The following MAP7 variants were observed in gnomAD, a reference collection of about 807,000 sequenced individuals.
MAP7 encodes the protein microtubule associated protein 7.
Under a neutral mutation model 94.8 loss-of-function variants are expected in MAP7, and 52 were observed. That is an observed-to-expected ratio of 0.55 (90% CI 0.44 to 0.69). The LOEUF is 0.69. Ranked by LOEUF, MAP7 falls within the 30% of genes least tolerant of loss-of-function variation. The pLI is 0.00. For missense variants in MAP7, 940 were observed against 964.6 expected, an observed-to-expected ratio of 0.97 and a Z score of 0.34; for synonymous variants, 350 against 357.0, an observed-to-expected ratio of 0.98 and a Z score of 0.22.
At chr6:136,395,205 T>C (rs1475889483) in intron 3 of MAP7, among the ~76,000 whole-genome samples, 2 of 151,564 alleles carry the variant, frequency 1.3e-5, no homozygotes, top group African/African-American at 4.8e-5. Context: ...GGTGTTCCCC[T>C]TTCTCTGCGT....
At chr6:136,477,153 C>G (rs1048564305) in intron 1 of MAP7, among the ~76,000 whole-genome samples, 4 of 152,134 alleles carry the variant, frequency 2.6e-5, no homozygotes, top group Non-Finnish European at 5.9e-5. Context: ...ACCTCAAACA[C>G]GTGATGGAGG....
At chr6:136,503,613 A>G (rs1027969153) in intron 1 of MAP7, among the ~76,000 whole-genome samples, 1 of 152,194 alleles carries the variant, frequency 6.6e-6, no homozygotes, top group Non-Finnish European at 1.5e-5. Context: ...CCCTAAGGGG[A>G]AAAAAACCAC....
At chr6:136,439,277 T>G (rs1797199360) in intron 1 of MAP7, among the ~76,000 whole-genome samples, 1 of 152,202 alleles carries the variant, frequency 6.6e-6, no homozygotes, top group African/African-American at 2.4e-5. Context: ...TAAGCCCCTT[T>G]CTTGCCCATA....
chr6:136,439,114 T>G (rs1797147878), intron 1 of MAP7, among the ~76,000 whole-genome samples: 1 of 152,154 alleles, frequency 6.6e-6, no homozygotes. Context: ...GCCAAAATGG[T>G]TTGAATGTAT....
chr6:136,425,138 C>T (rs778146521), intron 1 of MAP7, among the ~76,000 whole-genome samples: 4 of 152,160 alleles, frequency 2.6e-5, no homozygotes, highest in Non-Finnish European at 5.9e-5. Context: ...TGATTCACAT[C>T]TCAGGCTGGA....
chr6:136,400,187 C>A (rs556642971), intron 3 of MAP7, among the ~76,000 whole-genome samples: 1 of 151,838 alleles, frequency 6.6e-6, no homozygotes, highest in African/African-American at 2.4e-5. Flanking sequence ...GAGGCTGAGG[C>A]GGGCAGATCA....
intron 10 of MAP7, among the ~76,000 whole-genome samples, chr6:136,363,364 C>A (rs1184953201): frequency 2.0e-5 from 3 of 152,242 alleles, no homozygotes; most frequent in African/African-American, 7.2e-5. Context: ...CACACTGATG[C>A]TCACAATTCT....
intron 1 of MAP7, among the ~76,000 whole-genome samples, chr6:136,538,256 T>A (rs1465994169): frequency 6.6e-6 from 1 of 152,232 alleles, no homozygotes; most frequent in African/African-American, 2.4e-5. Flanking sequence ...AATAACTTAC[T>A]GATATTTTCT....
intron 8 of MAP7, 54 bp from the exon 9 acceptor site, chr6:136,366,493 C>T (rs2128586284): frequency 8.6e-7 from 1 of 1,164,606 alleles, no homozygotes; most frequent in Non-Finnish European, 1.3e-6. Context: ...GGCAAACACA[C>T]TCACAATACT....
chr6:136,362,391 T>A, intron 11 of MAP7, 59 bp downstream of exon 11: 12 of 1,586,798 alleles, frequency 7.6e-6, no homozygotes, highest in African/African-American at 1.3e-5. Flanking sequence ...CTCAGAGGGG[T>A]GATGAGTTAA....
chr6:136,352,032 G>A (rs1789365724), intron 16 of MAP7, among the ~76,000 whole-genome samples: 1 of 152,030 alleles, frequency 6.6e-6, no homozygotes, highest in South Asian at 2.1e-4. Context: ...TCTCTGGCAA[G>A]TTCTGCTGGC....
intron 5 of MAP7, among the ~76,000 whole-genome samples, 168 bp downstream of exon 5, chr6:136,388,225 C>T (rs1779705132): frequency 6.6e-6 from 1 of 152,010 alleles, no homozygotes; most frequent in South Asian, 2.1e-4. Flanking sequence ...GCCCTTACTT[C>T]TTATCTCCAT....
chr6:136,410,796 C>T (rs1413215196), intron 3 of MAP7, among the ~76,000 whole-genome samples: 4 of 152,212 alleles, frequency 2.6e-5, no homozygotes, highest in Admixed American at 6.5e-5. Flanking sequence ...GAAACATTAA[C>T]TCTTACAAAA....
intron 6 of MAP7, among the ~76,000 whole-genome samples, chr6:136,380,335 A>C (rs73559063): frequency 0.017 from 2,558 of 152,242 alleles, 42 homozygotes; most frequent in East Asian, 0.039. Flanking sequence ...AATTAGACAC[A>C]TGTTGCCAGG....
intron 1 of MAP7, among the ~76,000 whole-genome samples, chr6:136,440,952 T>C (rs1323238734): frequency 1.3e-5 from 2 of 152,168 alleles, no homozygotes; most frequent in Non-Finnish European, 2.9e-5. Flanking sequence ...GCGGCACCTC[T>C]CTGTGCCTGG....
chr6:136,430,550 A>T (rs1206026666), intron 1 of MAP7, among the ~76,000 whole-genome samples: 1 of 152,248 alleles, frequency 6.6e-6, no homozygotes, highest in East Asian at 1.9e-4. Context: ...TCAAAAATTA[A>T]TCATCTCTCC....
intron 1 of MAP7, among the ~76,000 whole-genome samples, chr6:136,491,933 A>G (rs1169068112): frequency 2.0e-5 from 3 of 152,246 alleles, no homozygotes; most frequent in Non-Finnish European, 4.4e-5. Context: ...AATCATCTGT[A>G]TCTCAACATT....
At chr6:136,509,416 A>AC (rs1554269032) in intron 1 of MAP7, among the ~76,000 whole-genome samples, 2 of 151,766 alleles carry the variant, frequency 1.3e-5, no homozygotes, top group Non-Finnish European at 2.9e-5. Context: ...GAAGCTACTT[A>AC]TTTTTTTAAG....
At chr6:136,360,567 T>C (rs903447774) in intron 13 of MAP7, 130 bp downstream of exon 13, 8 of 717,900 alleles carry the variant, frequency 1.1e-5, no homozygotes, top group Middle Eastern at 2.5e-4. Flanking sequence ...TGCAGGAGAT[T>C]GTTATCACTG....
Sources: allele counts gnomAD v4.1 joint callset (sites outside exome capture counted in the v4.1 genomes callset), GRCh38; gene constraint gnomAD v4.1.1; transcripts MANE v1.5; gene names NCBI Gene and HGNC (gene_info 2026-07-23, HGNC 2026-07-21).